Variants in FAM13A observed in about 807,000 individuals in gnomAD.
The protein encoded by FAM13A is family with sequence similarity 13 member A, also known as protein FAM13A.
Under a neutral mutation model 129.6 loss-of-function variants are expected in FAM13A, and 76 were observed. The ratio of observed to expected loss-of-function variants is 0.59; its 90% CI spans 0.49 to 0.71. FAM13A has a LOEUF of 0.71. Among genes scored for constraint, FAM13A ranks in the 30% least tolerant of loss-of-function variants. The pLI is 0.00. For missense variants in FAM13A, 1,108 were observed against 1,249.3 expected, an observed-to-expected ratio of 0.89 and a Z score of 1.70; for synonymous variants, 443 against 449.9, an observed-to-expected ratio of 0.98 and a Z score of 0.20.
chr4:88,960,995 C>T (rs1376880841), intron 4 of FAM13A, among the ~76,000 whole-genome samples: 2 of 152,130 alleles, frequency 1.3e-5, no homozygotes, highest in South Asian at 2.1e-4. Context: ...ATTCTTAACA[C>T]TTTTTAAAGA....
chr4:88,758,125 C>T (rs541086005), intron 14 of FAM13A, among the ~76,000 whole-genome samples: 1 of 152,162 alleles, frequency 6.6e-6, no homozygotes, highest in South Asian at 2.1e-4. Flanking sequence ...GACAAGGCTA[C>T]TCTCTTCTTC....
At chr4:88,904,274 T>A (rs1041524024) in intron 6 of FAM13A, among the ~76,000 whole-genome samples, 1 of 152,090 alleles carries the variant, frequency 6.6e-6, no homozygotes, top group Non-Finnish European at 1.5e-5. Flanking sequence ...TGGGTATATG[T>A]CCAAAAGAAT....
chr4:88,894,008 G>C (rs1745867867), intron 6 of FAM13A, among the ~76,000 whole-genome samples: 1 of 152,120 alleles, frequency 6.6e-6, no homozygotes, highest in Non-Finnish European at 1.5e-5. Flanking sequence ...CCAAATTAAG[G>C]CAATAGCAAG....
chr4:88,805,952 G>C (rs530896572), intron 7 of FAM13A, among the ~76,000 whole-genome samples: 29 of 152,208 alleles, frequency 1.9e-4, no homozygotes, highest in African/African-American at 7.0e-4. Flanking sequence ...ACAAACATGA[G>C]CCACCATGCC....
At chr4:88,884,372 C>A (rs543959731) in intron 6 of FAM13A, among the ~76,000 whole-genome samples, 23 of 152,170 alleles carry the variant, frequency 1.5e-4, no homozygotes, top group African/African-American at 4.1e-4. Flanking sequence ...ATGTGATACA[C>A]CACATAAACA....
At chr4:88,879,103 T>C (rs895225270) in intron 6 of FAM13A, among the ~76,000 whole-genome samples, 1 of 152,188 alleles carries the variant, frequency 6.6e-6, no homozygotes, top group East Asian at 1.9e-4. Flanking sequence ...ACATCTAATA[T>C]TGGTAGCTGA....
intron 3 of FAM13A, among the ~76,000 whole-genome samples, chr4:88,996,558 CATAAACAAA>C (rs796594928): frequency 5.9e-5 from 9 of 152,220 alleles, no homozygotes; most frequent in African/African-American, 2.2e-4. Context: ...GAGATAAATC[CATAAACAAA>C]ATAAACAGAA....
chr4:88,946,227 G>A (rs1755822888), intron 4 of FAM13A, among the ~76,000 whole-genome samples: 1 of 150,980 alleles, frequency 6.6e-6, no homozygotes, highest in African/African-American at 2.4e-5. Flanking sequence ...TGTAAAATGC[G>A]AGGTCCTATT....
intron 5 of FAM13A, chr4:88,937,029 T>G (rs1168437160): frequency 2.6e-5 from 4 of 152,168 alleles, no homozygotes; most frequent in African/African-American, 4.8e-5. Flanking sequence ...GTTGTTTTCT[T>G]ATTTTTTCTT....
intron 23 of FAM13A, chr4:88,729,619 C>T (rs146265620): frequency 4.6e-5 from 7 of 152,306 alleles, no homozygotes; most frequent in South Asian, 2.1e-4. Context: ...GCATCTGGCA[C>T]GCAGGCCCCC....
intron 6 of FAM13A, among the ~76,000 whole-genome samples, chr4:88,889,272 C>A (rs7666383): frequency 0.012 from 1,793 of 152,184 alleles, 43 homozygotes; most frequent in African/African-American, 0.04. Flanking sequence ...GTTATGCTGT[C>A]TGATTTGTAT....
In FAM13A at chr4:88,780,870, T is replaced by C. The variant is rs992273948; in HGVS notation, c.1458+295A>G. On this transcript the variant is annotated intron_variant, in intron 11 of 23. Coordinates refer to ENST00000264344, the MANE Select transcript of FAM13A (RefSeq NM_014883.4). ...TGGGGAAAAAGAAGAAAAAATGCTT[T>C]ATGGGCAATTTTATTTCAAAAACAA... 1.4e-4 allele frequency among the ~76,000 whole-genome samples: 21 copies of C among 151,970 alleles called. No homozygotes were observed. In the East Asian group the frequency reaches 3.3e-3, roughly 24 times the overall value.
intron 3 of FAM13A, among the ~76,000 whole-genome samples, chr4:89,000,756 G>C (rs1387926917): frequency 6.6e-6 from 1 of 152,082 alleles, no homozygotes; most frequent in Non-Finnish European, 1.5e-5. Context: ...ATTAAGCATG[G>C]GAAAAGAAAG....
At chr4:88,880,984 C>T (rs1045891804) in intron 6 of FAM13A, among the ~76,000 whole-genome samples, 13 of 152,104 alleles carry the variant, frequency 8.5e-5, no homozygotes, top group Non-Finnish European at 1.8e-4. Context: ...CAGCAAGTCC[C>T]GCCCAAGAAG....
intron 14 of FAM13A, among the ~76,000 whole-genome samples, chr4:88,754,742 CAG>C (rs1255343886): frequency 2.0e-5 from 3 of 152,148 alleles, no homozygotes; most frequent in Non-Finnish European, 2.9e-5. Flanking sequence ...TGTTAACCAA[CAG>C]AGTTAGAAAG....
At chr4:89,015,939 A>G (rs1032142104) in intron 3 of FAM13A, among the ~76,000 whole-genome samples, 1 of 152,192 alleles carries the variant, frequency 6.6e-6, no homozygotes, top group African/African-American at 2.4e-5. Context: ...TATGTTAATT[A>G]TAACACAGAC....
At chr4:88,774,407 ATAGT>A (rs755030898) in intron 11 of FAM13A, among the ~76,000 whole-genome samples, 1 of 152,162 alleles carries the variant, frequency 6.6e-6, no homozygotes, top group South Asian at 2.1e-4. Flanking sequence ...TGCTTGTCAT[ATAGT>A]TAGTTGTTGT....
intron 6 of FAM13A, among the ~76,000 whole-genome samples, chr4:88,865,860 T>C (rs1414824682): frequency 6.7e-6 from 1 of 150,060 alleles, no homozygotes; most frequent in African/African-American, 2.4e-5. Context: ...TTCTTTCAAC[T>C]TTTTCCTTTG....
intron 5 of FAM13A, among the ~76,000 whole-genome samples, chr4:88,934,541 C>T (rs1178482044): frequency 2.6e-5 from 4 of 152,134 alleles, no homozygotes; most frequent in Non-Finnish European, 5.9e-5. Flanking sequence ...GGATTTAGAA[C>T]ACCTTCTGAA....
Sources: gnomAD v4.1 joint callset for allele counts (sites outside exome capture counted in the v4.1 genomes callset) on GRCh38, gnomAD v4.1.1 for gene constraint, MANE v1.5 for transcripts, NCBI Gene and HGNC (gene_info 2026-07-23, HGNC 2026-07-21) for gene names.